ITGA8: variants seen among roughly 807,000 people sequenced by gnomAD.
The protein encoded by ITGA8 is integrin alpha-8.
Under a neutral mutation model 142.3 loss-of-function variants are expected in ITGA8, and 91 were observed. That is an observed-to-expected ratio of 0.64 (90% confidence interval 0.54 to 0.76). ITGA8 has a LOEUF of 0.76. Among genes scored for constraint, ITGA8 ranks in the 30% least tolerant of loss-of-function variants. The pLI, the probability that ITGA8 is intolerant of heterozygous loss-of-function variation, is 0.00. For missense variants in ITGA8, 1,406 were observed against 1,327.7 expected, an observed-to-expected ratio of 1.06 and a Z score of -0.92; for synonymous variants, 505 against 485.2, an observed-to-expected ratio of 1.04 and a Z score of -0.54.
chr10:15,719,681 G>C lies in ITGA8; in HGVS notation c.91C>G (p.Leu31Val). ...AACGCCTGACAGGCGGGGGACCACAGCAACATCCCCAGCGCGGCCGCGGCG... is the reference window on the plus strand; with the variant it reads ...AACGCCTGACAGGCGGGGGACCACACCAACATCCCCAGCGCGGCCGCGGCG... Reference protein sequence around the residue: ...CCAAAALGMLLWSPACQAFNL... With the variant: ...CCAAAALGMLVWSPACQAFNL... The change falls in exon 1 of 30, where the codon CTG becomes GTG. Residue 31 changes from leucine to valine, a missense_variant. Transcript: ENST00000378076. 6.7e-7 allele frequency: 1 copy of C among 1,489,406 alleles called. No homozygotes were observed. The highest frequency in any genetic ancestry group is 8.9e-7 in the Non-Finnish European group (1 of 1,129,734). 92.3% of individuals were successfully genotyped at this position (1,489,406 alleles called of 1,614,324 possible).
intron 11 of ITGA8, among the ~76,000 whole-genome samples, chr10:15,648,816 C>T (rs1034598162): frequency 3.7e-4 from 57 of 152,112 alleles, no homozygotes; most frequent in African/African-American, 1.3e-3. Flanking sequence ...CTGTGTACTT[C>T]CTATGTTTAA....
rs1379832597 is a variant in ITGA8 at position 15,549,209 on chromosome 10, T to TA, written c.2767-642_2767-641insT. ...TTTTTCTTTTCTTTTCTGTTTTTTT[T>TA]TTTTTTTTTTTTTTTTTTGAGACAG... On this transcript the variant is annotated intron_variant, in intron 26 of 29. Transcript: ENST00000378076. Among the ~76,000 whole-genome samples the TA allele has an allele frequency of 2.2e-3, 43 of 19,760 alleles. 1 individual carries two copies. The highest frequency in any genetic ancestry group is 6.3e-3 in the Admixed American group (6 of 952). The allele number at this position is 19,760 out of a possible 152,430, so 13.0% of individuals were successfully genotyped here.
chr10:15,591,487 A>G (rs1832921972), intron 22 of ITGA8, among the ~76,000 whole-genome samples: 1 of 151,388 alleles, frequency 6.6e-6, no homozygotes, highest in African/African-American at 2.4e-5. Flanking sequence ...ATGTGGATCT[A>G]GAGCCATTAA....
chr10:15,665,951 G>A (rs1373486808), intron 8 of ITGA8, among the ~76,000 whole-genome samples: 1 of 152,238 alleles, frequency 6.6e-6, no homozygotes, highest in Admixed American at 6.5e-5. Flanking sequence ...CAGGTAGGGT[G>A]ATGCCTCCAG....
At chr10:15,627,580 A>G (rs888388340) in intron 13 of ITGA8, among the ~76,000 whole-genome samples, 1 of 152,202 alleles carries the variant, frequency 6.6e-6, no homozygotes, top group Non-Finnish European at 1.5e-5. Flanking sequence ...AGGACAAAAG[A>G]GATGAAAGAG....
chr10:15,709,045 G>C (rs1390294631), intron 2 of ITGA8, among the ~76,000 whole-genome samples: 2 of 152,166 alleles, frequency 1.3e-5, no homozygotes, highest in African/African-American at 4.8e-5. Flanking sequence ...GAGAAATAAT[G>C]AATGTTAACA....
intron 3 of ITGA8, among the ~76,000 whole-genome samples, chr10:15,685,350 A>G (rs1786175328): frequency 6.6e-6 from 1 of 152,212 alleles, no homozygotes; most frequent in Admixed American, 6.5e-5. Context: ...ATTTCCAGCT[A>G]ACATATAGAG....
intron 8 of ITGA8, among the ~76,000 whole-genome samples, chr10:15,665,187 G>T (rs1834364235): frequency 6.6e-6 from 1 of 152,172 alleles, no homozygotes; most frequent in South Asian, 2.1e-4. Flanking sequence ...GTTGTTTCCT[G>T]ACTTGTTAAT....
Position 15,719,695 on chromosome 10 carries a change from G to A in ITGA8, c.77C>T (p.Ala26Val), listed in dbSNP as rs1835525346. ...LIAPLCCAAA[A>V]LGMLLWSPAC... ...GGGGGACCACAGCAACATCCCCAGC[G>A]CGGCCGCGGCGCAGCAGAGGGGCGC... The change falls in exon 1 of 30, where the codon GCG becomes GTG. Residue 26 changes from alanine (A) to valine (V), a missense_variant. Coordinates refer to ENST00000378076, the MANE Select transcript of ITGA8 (RefSeq NM_003638.3). 4.1e-6 allele frequency: 6 copies of A among 1,459,922 alleles called. No homozygotes were observed. The highest frequency in any genetic ancestry group is 5.4e-6 in the Non-Finnish European group (6 of 1,115,802). 90.4% of individuals were successfully genotyped at this position (1,459,922 alleles called of 1,614,324 possible).
intron 25 of ITGA8, 47 bp downstream of exon 25, chr10:15,572,164 C>T (rs1834197302): frequency 6.9e-7 from 1 of 1,452,550 alleles, no homozygotes; most frequent in African/African-American, 1.4e-5. Flanking sequence ...TTTTTTCATA[C>T]CATAAAAATA....
chr10:15,604,578 C>CAAAA (rs35672275), intron 19 of ITGA8, among the ~76,000 whole-genome samples: 5 of 86,344 alleles, frequency 5.8e-5, no homozygotes, highest in African/African-American at 8.7e-5. Context: ...AACCAGTTCT[C>CAAAA]AAAAAAAAAA....
At chr10:15,587,883 C>T (rs1165720356) in intron 22 of ITGA8, among the ~76,000 whole-genome samples, 3 of 152,162 alleles carry the variant, frequency 2.0e-5, no homozygotes, top group Non-Finnish European at 4.4e-5. Flanking sequence ...ATAAAACGTA[C>T]TTCACAAAGA....
chr10:15,563,178 C>G (rs575688535), intron 25 of ITGA8, among the ~76,000 whole-genome samples: 30 of 152,204 alleles, frequency 2.0e-4, no homozygotes, highest in Middle Eastern at 3.4e-3. Flanking sequence ...CAGCTCCATG[C>G]TTCTTGTACA....
chr10:15,623,013 G>C lies in ITGA8; in HGVS notation c.1400-6454C>G, dbSNP rs1298902313. Among the ~76,000 whole-genome samples, 3 of 152,206 alleles carry C rather than the reference G, an allele frequency of 2.0e-5. 1 individual carries two copies. The highest frequency in any genetic ancestry group is 7.2e-5 in the African/African-American group (3 of 41,538). Reference sequence around the variant, plus strand: ...AGGCTGTTTGAGGGAGTATAAATTAGCATTATTTTCATGGAAGGCAGTTTG... The same window carrying C: ...AGGCTGTTTGAGGGAGTATAAATTACCATTATTTTCATGGAAGGCAGTTTG... On this transcript the variant is annotated intron_variant, in intron 13 of 29. Transcript: ENST00000378076.
chr10:15,632,973 T>G (rs1462190356), intron 13 of ITGA8, among the ~76,000 whole-genome samples: 2 of 152,184 alleles, frequency 1.3e-5, no homozygotes, highest in Non-Finnish European at 2.9e-5. Context: ...ACGTGGTTCA[T>G]CTCATTATCC....
At chr10:15,627,623 C>T (rs1833609186) in intron 13 of ITGA8, among the ~76,000 whole-genome samples, 1 of 152,158 alleles carries the variant, frequency 6.6e-6, no homozygotes, top group African/African-American at 2.4e-5. Flanking sequence ...TTTTGAAAAC[C>T]TCCCATCTGT....
chr10:15,535,907 G>A (rs1370755351), intron 27 of ITGA8, among the ~76,000 whole-genome samples: 1 of 151,976 alleles, frequency 6.6e-6, no homozygotes, highest in Admixed American at 6.6e-5. Flanking sequence ...TCGAAGGTCT[G>A]CAGCTTCACT....
chr10:15,618,889 C>T (rs969074947), intron 13 of ITGA8, among the ~76,000 whole-genome samples: 3 of 152,160 alleles, frequency 2.0e-5, no homozygotes, highest in Non-Finnish European at 2.9e-5. Context: ...TTCAGCAATC[C>T]TATTAGTTCT....
chr10:15,609,731 A>G (rs1283391521), intron 15 of ITGA8, among the ~76,000 whole-genome samples: 1 of 152,158 alleles, frequency 6.6e-6, no homozygotes, highest in Non-Finnish European at 1.5e-5. Context: ...ATTTTGGTGT[A>G]TGTTCAAATC....
Sources: allele counts gnomAD v4.1 joint callset (sites outside exome capture counted in the v4.1 genomes callset), GRCh38; gene constraint gnomAD v4.1.1; transcripts MANE v1.5; gene names NCBI Gene and HGNC (gene_info 2026-07-23, HGNC 2026-07-21).